The following RASSF4 variants were observed in gnomAD, a reference collection of about 807,000 sequenced individuals.
RASSF4 encodes the protein ras association domain-containing protein 4.
A neutral mutation model predicts 41.1 loss-of-function variants in RASSF4; 38 were observed. That is an observed-to-expected ratio of 0.92 (90% CI 0.71 to 1.21). The LOEUF is 1.21. RASSF4 is among the 50% of genes most tolerant of loss of function. RASSF4 has a pLI of 0.00. For synonymous variants in RASSF4, 179 were observed against 163.4 expected (o/e 1.10, Z -0.73); for missense variants, 414 against 419.4 (o/e 0.99, Z 0.11).
intron 9 of RASSF4, among the ~76,000 whole-genome samples, 190 bp from the exon 10 acceptor site, chr10:44,991,715 G>A (rs1842119590): frequency 6.6e-6 from 1 of 152,194 alleles, no homozygotes; most frequent in African/African-American, 2.4e-5. Flanking sequence ...TTGCCTTTGA[G>A]ATAGTAATAG....
intron 6 of RASSF4, among the ~76,000 whole-genome samples, chr10:44,988,907 G>T (rs868639433): frequency 3.9e-4 from 59 of 152,326 alleles, no homozygotes; most frequent in African/African-American, 1.3e-3. Flanking sequence ...GGAGGAGACA[G>T]ATTGGGTAAC....
chr10:44,989,564 C>A, intron 7 of RASSF4, 106 bp from the exon 8 acceptor site: 2 of 1,112,566 alleles, frequency 1.8e-6, no homozygotes, highest in South Asian at 1.2e-5. Context: ...AGGTTCCTTG[C>A]AACTTGCGTG....
chr10:44,970,354 C>G, intron 2 of RASSF4, 90 bp downstream of exon 2: 3 of 1,085,026 alleles, frequency 2.8e-6, no homozygotes, highest in Non-Finnish European at 4.3e-6. Context: ...GGGTTCTGAG[C>G]ACTTGTTCAG....
At chr10:44,966,088 T>C (rs977898029) in intron 1 of RASSF4, among the ~76,000 whole-genome samples, 3 of 152,230 alleles carry the variant, frequency 2.0e-5, no homozygotes, top group African/African-American at 7.2e-5. Context: ...ATACATTTTC[T>C]ATTTGAACAA....
chr10:44,963,709 A>C (rs573669425), intron 1 of RASSF4, among the ~76,000 whole-genome samples: 1 of 152,360 alleles, frequency 6.6e-6, no homozygotes, highest in South Asian at 2.1e-4. Flanking sequence ...GATTTAAATC[A>C]CGCTGAAATA....
In RASSF4 at chr10:44,984,948, A is replaced by C. The variant is rs1379497713; in HGVS notation, c.509A>C (p.Asn170Thr). The C allele has an allele frequency of 9.3e-6, 15 of 1,612,568 alleles. No individual in the cohort carries two copies. Among genetic ancestry groups the C allele is most frequent in the Non-Finnish European group, 1.3e-5 (15 of 1,180,012 alleles). ...ATCCGGCGACACCGGTTCTCTATCA[A>C]CGGCCACTTCTACAATCATAAGGTG... ...QRIRRHRFSI[N>T]GHFYNHKTSV... The change falls in exon 6 of 11, where the codon AAC (asparagine) becomes ACC (threonine). Residue 170 changes from asparagine (N) to threonine (T), a missense_variant. By Grantham distance (65) the Asn-to-Thr change is moderately conservative. Transcript: ENST00000340258.
chr10:44,984,646 T>C, intron 5 of RASSF4, 167 bp from the exon 6 acceptor site: 4 of 760,084 alleles, frequency 5.3e-6, no homozygotes, highest in South Asian at 1.7e-5. Flanking sequence ...CACCTTCCTA[T>C]CTGCAAGCTG....
At position 44,995,777 on chromosome 10, in the gene RASSF4, C is replaced by T. The variant is rs1842254152; in HGVS notation, c.*2448C>T. 6.6e-6 allele frequency: 1 copy of T among 152,190 alleles called. No individual in the cohort carries two copies. The highest frequency in any genetic ancestry group is 1.5e-5 in the Non-Finnish European group (1 of 68,038). The allele number at this position is 152,190 out of a possible 1,614,324, so 9.4% of individuals were successfully genotyped here. ...AGAGGCTGGTCTCTGTGGTTTCCTA[C>T]TGGTTCCTGTGGGGAGCTCCCGCTT... On this transcript the variant is annotated 3_prime_UTR_variant, in exon 11 of 11. Transcript: ENST00000340258.
chr10:44,994,982 C>A lies in RASSF4; in HGVS notation c.*1653C>A, dbSNP rs1842242739. On this transcript the variant is annotated 3_prime_UTR_variant, in exon 11 of 11. Coordinates refer to ENST00000340258, the MANE Select transcript of RASSF4 (RefSeq NM_032023.4). The stretch of plus-strand genomic sequence containing the variant: ...TGACCTGGATGATGAGCAATAGAGT[C>A]ACCCCGAGTCACAGAATCTTAGCAT... 6.6e-6 allele frequency: 1 copy of A among 152,240 alleles called. No individual in the cohort carries two copies. Among genetic ancestry groups the A allele is most frequent in the African/African-American group, 2.4e-5 (1 of 41,438 alleles). The allele number at this position is 152,240 out of a possible 1,614,324, so 9.4% of individuals were successfully genotyped here. A position where few individuals can be genotyped will look rare whatever the true frequency, so the allele number is the denominator to read the frequency against.
chr10:44,970,120 A>G, intron 1 of RASSF4, 45 bp from the exon 2 acceptor site: 1 of 1,217,984 alleles, frequency 8.2e-7, no homozygotes. Flanking sequence ...ACTGGCCGGC[A>G]CTCCTCTGGC....
At position 44,991,907 on chromosome 10, in the gene RASSF4, C is replaced by T; in HGVS notation, c.810C>T (p.Val270=). 3.7e-6 allele frequency: 6 copies of T among 1,601,246 alleles called. No individual in the cohort carries two copies. Among genetic ancestry groups the T allele is most frequent in the South Asian group, 2.2e-5 (2 of 89,952 alleles). The change falls in exon 10 of 11, where the codon GTC becomes GTT. Residue 270 remains valine, a splice_region_variant and synonymous_variant. Coordinates refer to ENST00000340258, the MANE Select transcript of RASSF4 (RefSeq NM_032023.4). ...TAAAATGTTCTTGGATTTTCTAGGT[C>T]GCTCAGTACATTAAGTTTGAAATGC... ...ADLGVEVPHE[V]AQYIKFEMPV...
At chr10:44,968,651 C>G (rs117101678) in intron 1 of RASSF4, among the ~76,000 whole-genome samples, 1 of 152,068 alleles carries the variant, frequency 6.6e-6, no homozygotes, top group Non-Finnish European at 1.5e-5. Flanking sequence ...TGGACTGGTC[C>G]AAGTGAGTGC....
intron 3 of RASSF4, chr10:44,981,706 C>T (rs987620598): frequency 3.3e-5 from 5 of 152,230 alleles, no homozygotes; most frequent in Admixed American, 2.6e-4. Context: ...GGGATTGGCA[C>T]AGAGGCCTGG....
intron 10 of RASSF4, 75 bp from the exon 11 acceptor site, chr10:44,993,194 A>G: frequency 7.8e-7 from 1 of 1,275,998 alleles, no homozygotes; most frequent in Non-Finnish European, 1.1e-6. Context: ...GGCCATCTGC[A>G]GGTCCCTTGC....
chr10:44,992,683 C>A (rs1241907479), intron 10 of RASSF4, among the ~76,000 whole-genome samples: 1 of 152,160 alleles, frequency 6.6e-6, no homozygotes, highest in African/African-American at 2.4e-5. Context: ...CAGGAGCTCA[C>A]TGAGAGGGCC....
chr10:44,969,271 T>A (rs1375815414), intron 1 of RASSF4, among the ~76,000 whole-genome samples: 1 of 152,066 alleles, frequency 6.6e-6, no homozygotes. Flanking sequence ...TCTGGTGGAT[T>A]TACTGTCCGT....
chr10:44,982,448 A>G lies in RASSF4; in HGVS notation c.139-73A>G, dbSNP rs771392956. On this transcript the variant is annotated intron_variant, in intron 3 of 10. Coordinates refer to ENST00000340258, the MANE Select transcript of RASSF4 (RefSeq NM_032023.4). ...TGTGCAAGGCCTGAGTGTTCAGAGC[A>G]TCCCATCCCTAGGGGGCACAGGGAA... The G allele has an allele frequency of 2.6e-6, 4 of 1,565,662 alleles. No individual in the cohort carries two copies. The African/African-American group carries it at 4.1e-5, about 16-fold the overall frequency.
At chr10:44,986,691 A>G (rs980357845) in intron 6 of RASSF4, among the ~76,000 whole-genome samples, 3 of 152,376 alleles carry the variant, frequency 2.0e-5, no homozygotes, top group Admixed American at 2.0e-4. Flanking sequence ...TCCATACAGA[A>G]CTAATGTCCT....
At chr10:44,966,026 T>TGCC (rs1312897593) in intron 1 of RASSF4, among the ~76,000 whole-genome samples, 1 of 152,220 alleles carries the variant, frequency 6.6e-6, no homozygotes, top group Non-Finnish European at 1.5e-5. Context: ...TGAGGCTCTC[T>TGCC]GCCACCACCA....
Sources: allele counts gnomAD v4.1 joint callset (sites outside exome capture counted in the v4.1 genomes callset), GRCh38; gene constraint gnomAD v4.1.1; transcripts MANE v1.5; gene names NCBI Gene and HGNC (gene_info 2026-07-23, HGNC 2026-07-21).